The following GABRG3 variants were observed in gnomAD, a reference collection of about 807,000 sequenced individuals.
The protein encoded by GABRG3 is gamma-aminobutyric acid type A receptor subunit gamma3.
In GABRG3, 25 loss-of-function variants were observed where a neutral mutation model predicts 48.8. That is an observed-to-expected ratio of 0.51 (90% CI 0.37 to 0.72). The LOEUF is 0.72. GABRG3 is among the 30% of genes least tolerant of loss of function. The pLI is 0.00. For missense variants in GABRG3, 394 were observed against 577.9 expected, an observed-to-expected ratio of 0.68 and a Z score of 3.26; for synonymous variants, 227 against 217.6, an observed-to-expected ratio of 1.04 and a Z score of -0.38.
intron 3 of GABRG3, among the ~76,000 whole-genome samples, chr15:27,210,078 T>G (rs1462575224): frequency 6.6e-6 from 1 of 152,110 alleles, no homozygotes; most frequent in Non-Finnish European, 1.5e-5. Context: ...ACATATGAAT[T>G]TGGGGGGACA....
At chr15:27,214,548 G>A (rs186558429) in intron 3 of GABRG3, among the ~76,000 whole-genome samples, 13 of 152,178 alleles carry the variant, frequency 8.5e-5, no homozygotes, top group African/African-American at 3.1e-4. Flanking sequence ...AAAAAATTCT[G>A]TATACTTTCT....
At chr15:27,403,506 A>C (rs1445234213) in intron 5 of GABRG3, among the ~76,000 whole-genome samples, 2 of 152,230 alleles carry the variant, frequency 1.3e-5, no homozygotes, top group Admixed American at 1.3e-4. Flanking sequence ...AATTATTGAA[A>C]GCACCTAGAG....
intron 3 of GABRG3, among the ~76,000 whole-genome samples, chr15:27,073,283 C>A (rs889903896): frequency 2.0e-5 from 3 of 152,234 alleles, no homozygotes; most frequent in African/African-American, 7.2e-5. Context: ...GAGGAGGGGA[C>A]CCCTGGTGCT....
chr15:27,360,757 C>A (rs938341464), intron 5 of GABRG3, among the ~76,000 whole-genome samples: 6 of 152,200 alleles, frequency 3.9e-5, no homozygotes, highest in African/African-American at 1.2e-4. Flanking sequence ...AAAGATGACC[C>A]TGGGAAGCTC....
At chr15:27,373,661 A>AG (rs1895487741) in intron 5 of GABRG3, among the ~76,000 whole-genome samples, 1 of 152,204 alleles carries the variant, frequency 6.6e-6, no homozygotes, top group Admixed American at 6.5e-5. Context: ...CTAAAAAAAA[A>AG]TTACTTTGAA....
At chr15:27,529,478 A>G (rs997258084) in intron 9 of GABRG3, among the ~76,000 whole-genome samples, 2 of 152,152 alleles carry the variant, frequency 1.3e-5, no homozygotes, top group African/African-American at 4.8e-5. Flanking sequence ...GTGGTTTCCT[A>G]CTTGCTAATC....
chr15:27,151,515 T>C (rs999835413), intron 3 of GABRG3, among the ~76,000 whole-genome samples: 1 of 152,154 alleles, frequency 6.6e-6, no homozygotes, highest in Non-Finnish European at 1.5e-5. Flanking sequence ...TCAGAACCTG[T>C]GAATGTCTTG....
At chr15:27,136,153 G>T (rs1413855838) in intron 3 of GABRG3, among the ~76,000 whole-genome samples, 4 of 152,146 alleles carry the variant, frequency 2.6e-5, no homozygotes, top group Non-Finnish European at 5.9e-5. Context: ...TGTGAAAGGG[G>T]TGCTATGAAC....
intron 3 of GABRG3, among the ~76,000 whole-genome samples, chr15:27,112,903 A>G (rs1897579095): frequency 6.6e-6 from 1 of 152,218 alleles, no homozygotes; most frequent in African/African-American, 2.4e-5. Context: ...ATTTACAGCT[A>G]GCAATCCCTT....
intron 3 of GABRG3, among the ~76,000 whole-genome samples, chr15:27,300,258 A>G (rs1892150935): frequency 6.6e-6 from 1 of 152,216 alleles, no homozygotes; most frequent in Non-Finnish European, 1.5e-5. Context: ...ATTACTTGGC[A>G]TATGGAGACC....
Position 26,974,315 on chromosome 15 carries a change from C to T in GABRG3, c.54-2687C>T, listed in dbSNP as rs957945728. On this transcript the variant is annotated intron_variant, in intron 1 of 9. Transcript: ENST00000615808. This position sits in a 1 kb window ranked among gnomAD's most constrained non-coding sequence, Gnocchi z 4.3. Reference sequence around the variant, plus strand: ...TTTCAGGAAAACCCTCTCATCACCACTAGAGGGAGAATTAGGCTTATTACA... The same window carrying T: ...TTTCAGGAAAACCCTCTCATCACCATTAGAGGGAGAATTAGGCTTATTACA... Among the ~76,000 whole-genome samples, 1 of 152,118 alleles carries T rather than the reference C, an allele frequency of 6.6e-6. No individual in the cohort carries two copies. Among genetic ancestry groups the T allele is most frequent in the Non-Finnish European group, 1.5e-5 (1 of 68,026 alleles).
chr15:27,099,140 C>T (rs1246304358), intron 3 of GABRG3, among the ~76,000 whole-genome samples: 1 of 152,142 alleles, frequency 6.6e-6, no homozygotes, highest in Non-Finnish European at 1.5e-5. Flanking sequence ...ATGTAGTATG[C>T]AGAGAAAATA....
chr15:27,140,989 T>C (rs1898092104), intron 3 of GABRG3, among the ~76,000 whole-genome samples: 1 of 152,166 alleles, frequency 6.6e-6, no homozygotes, highest in Admixed American at 6.5e-5. Context: ...GAGTCCAAAA[T>C]TGTCAGCCTT....
rs543715544 is a variant in GABRG3 at position 27,536,425 on chromosome 15, T to A, written c.*3544T>A. ...TACACATCTTTTAAGATTTTCCATT[T>A]CCTGCAGTTAGCTATATTTCATGCC... is the stretch of plus-strand genomic sequence containing the variant. On this transcript the variant is annotated 3_prime_UTR_variant, in exon 10 of 10. Coordinates refer to ENST00000615808, the MANE Select transcript of GABRG3 (RefSeq NM_033223.5). 1 of 152,356 alleles carries A rather than the reference T, an allele frequency of 6.6e-6. No individual in the cohort carries two copies. The highest frequency in any genetic ancestry group is 2.4e-5 in the African/African-American group (1 of 41,598). The allele number at this position is 152,356 out of a possible 1,614,324, so 9.4% of individuals were successfully genotyped here. A position where few individuals can be genotyped will look rare whatever the true frequency, so the allele number is the denominator to read the frequency against.
intron 3 of GABRG3, among the ~76,000 whole-genome samples, chr15:27,248,429 C>T (rs1332840493): frequency 6.6e-6 from 1 of 152,160 alleles, no homozygotes; most frequent in African/African-American, 2.4e-5. Context: ...CCTGTGGCTA[C>T]ATGGTCAGAG....
chr15:26,978,206 A>AT, intron 2 of GABRG3, among the ~76,000 whole-genome samples: 1 of 152,008 alleles, frequency 6.6e-6, no homozygotes, highest in Admixed American at 6.6e-5. Context: ...GTCTTATTTT[A>AT]TTTTTTTACT....
At chr15:27,016,218 C>A (rs1165477195) in intron 2 of GABRG3, among the ~76,000 whole-genome samples, 2 of 149,196 alleles carry the variant, frequency 1.3e-5, no homozygotes, top group African/African-American at 4.9e-5. Context: ...CCTTTCCTTC[C>A]CTTTTCTTTC....
chr15:27,145,084 C>T (rs1038294227), intron 3 of GABRG3, among the ~76,000 whole-genome samples: 5 of 152,086 alleles, frequency 3.3e-5, no homozygotes, highest in African/African-American at 1.2e-4. Flanking sequence ...TTGAAATGTT[C>T]TGTTTCCAAC....
chr15:27,486,022 T>C (rs61441997), intron 6 of GABRG3, among the ~76,000 whole-genome samples: 22,376 of 152,120 alleles, frequency 0.15, 3,601 homozygotes, highest in African/African-American at 0.4. Flanking sequence ...CTAAAATAAT[T>C]TGGGTAGAAT....
Sources: gnomAD v4.1 joint callset for allele counts (sites outside exome capture counted in the v4.1 genomes callset) on GRCh38, gnomAD v4.1.1 for gene constraint, Gnocchi (gnomAD v3.1) non-coding constraint, MANE v1.5 for transcripts, NCBI Gene and HGNC (gene_info 2026-07-23, HGNC 2026-07-21) for gene names.